Variants in DNM2 observed in about 807,000 individuals in gnomAD.
The protein encoded by DNM2 is dynamin 2.
In DNM2, 15 loss-of-function variants were observed where a neutral mutation model predicts 99.0. That is an observed-to-expected ratio of 0.15 (90% CI 0.10 to 0.23). The LOEUF (loss-of-function observed/expected upper bound fraction) is 0.23, where lower values mean the gene tolerates loss of function less well. Among genes scored for constraint, DNM2 ranks in the 10% least tolerant of loss-of-function variants. DNM2 has a pLI of 1.00. For synonymous variants in DNM2, 525 were observed against 481.2 expected (o/e 1.09, Z -1.19); for missense variants, 742 against 1,189.4 (o/e 0.62, Z 5.53).
At chr19:10,746,723 T>G (rs1284997711) in intron 1 of DNM2, among the ~76,000 whole-genome samples, 4 of 83,934 alleles carry the variant, frequency 4.8e-5, no homozygotes, top group African/African-American at 1.3e-4. Context: ...CCGGCTTTTT[T>G]TTTGTTTTTT....
intron 1 of DNM2, among the ~76,000 whole-genome samples, chr19:10,750,420 A>C (rs533000254): frequency 3.5e-4 from 53 of 152,134 alleles, no homozygotes; most frequent in African/African-American, 1.3e-3. Context: ...TCAAGGCTGC[A>C]GTGAGGTATG....
rs1355493800 is a variant in DNM2, at chr19:10,830,268, C to A, written c.2433C>A (p.Ser811=). The A allele has an allele frequency of 6.2e-7, 1 of 1,613,844 alleles. No homozygotes were observed. The highest frequency in any genetic ancestry group is 8.5e-7 in the Non-Finnish European group (1 of 1,179,940). The stretch of plus-strand genomic sequence containing the variant: ...CCTTCTCGGCGCCCCCAATCCCATC[C>A]CGGCCTGGACCCCAGAGCGTGTTTG... ...AASFSAPPIP[S]RPGPQSVFAN... The change falls in exon 20 of 21, where the codon TCC becomes TCA. Residue 811 remains serine, a synonymous_variant. Transcript: ENST00000389253. This position sits in a 1 kb window ranked among gnomAD's most constrained non-coding sequence, Gnocchi z 4.8.
chr19:10,794,919 GTTTATT>G (rs540862841), intron 8 of DNM2, among the ~76,000 whole-genome samples: 212 of 152,162 alleles, frequency 1.4e-3, no homozygotes, highest in African/African-American at 4.7e-3. Flanking sequence ...TAATTTGTTT[GTTTATT>G]TTTATTTTTT....
At chr19:10,760,909 C>T (rs1021959840) in intron 2 of DNM2, among the ~76,000 whole-genome samples, 8 of 148,956 alleles carry the variant, frequency 5.4e-5, no homozygotes, top group East Asian at 2.0e-4. Context: ...AATCCTCCTG[C>T]GTCAGCTTCC....
chr19:10,736,273 AAAAAAAG>A (rs1452493756), intron 1 of DNM2, among the ~76,000 whole-genome samples: 3 of 151,516 alleles, frequency 2.0e-5, no homozygotes, highest in African/African-American at 7.3e-5. Flanking sequence ...TCAAAAAAAA[AAAAAAAG>A]AAAAAAAGAA....
chr19:10,761,130 A>G (rs935233665), intron 2 of DNM2, among the ~76,000 whole-genome samples: 8 of 152,004 alleles, frequency 5.3e-5, no homozygotes, highest in East Asian at 1.9e-4. Flanking sequence ...CTGGGACTAC[A>G]GGTGTGTGTC....
chr19:10,801,059 A>G lies in DNM2; in HGVS notation c.1423-1229A>G, dbSNP rs112160634. On this transcript the variant is annotated intron_variant, in intron 11 of 20. Transcript: ENST00000389253. ...GGTGGCTCACGCCTGTAGTCCTAGC[A>G]CTTTGGGAGGCCAAGGCAGGTGGAT... is the stretch of plus-strand genomic sequence containing the variant. Among the ~76,000 whole-genome samples, 1,004 of 152,376 alleles carry G rather than the reference A, an allele frequency of 6.6e-3. 4 individuals are homozygous for G. The highest frequency in any genetic ancestry group is 0.01 in the Non-Finnish European group (709 of 68,034).
intron 6 of DNM2, 125 bp from the exon 7 acceptor site, chr19:10,786,439 G>T (rs1031683126): frequency 7.0e-7 from 1 of 1,426,660 alleles, no homozygotes; most frequent in Non-Finnish European, 9.8e-7. Context: ...GTCTCTCAAG[G>T]CTGTGTGGTG....
chr19:10,738,707 C>CA (rs952784600), intron 1 of DNM2, among the ~76,000 whole-genome samples: 16 of 151,100 alleles, frequency 1.1e-4, no homozygotes, highest in Admixed American at 7.3e-4. Flanking sequence ...ATGAAAAATA[C>CA]AAAAAAAAGT....
intron 1 of DNM2, among the ~76,000 whole-genome samples, chr19:10,735,515 T>G (rs1315235716): frequency 6.6e-6 from 1 of 152,080 alleles, no homozygotes. Flanking sequence ...CATGGAAAAT[T>G]TTATTTTTAT....
chr19:10,786,491 G>T (rs1484760081), intron 6 of DNM2, 73 bp from the exon 7 acceptor site: 27 of 1,605,572 alleles, frequency 1.7e-5, no homozygotes, highest in South Asian at 1.2e-4. Context: ...CCCTTGGTTG[G>T]GGGGAGTGTG....
rs915073925 is a variant in DNM2 at position 10,831,198 on chromosome 19, C to T, written c.*151C>T. 4.3e-6 allele frequency: 6 copies of T among 1,396,740 alleles called. No homozygotes were observed. The highest frequency in any genetic ancestry group is 3.2e-5 in the South Asian group (2 of 61,648). The allele number at this position is 1,396,740 out of a possible 1,614,324, so 86.5% of individuals were successfully genotyped here. A position where few individuals can be genotyped will look rare whatever the true frequency, so the allele number is the denominator to read the frequency against. ...CTTAACGCTGGCCCCGGTCCAGGGCCGGCCCCTGTGCCTGGCTGGACACCG... is the reference window on the plus strand; with the variant it reads ...CTTAACGCTGGCCCCGGTCCAGGGCTGGCCCCTGTGCCTGGCTGGACACCG... On this transcript the variant is annotated 3_prime_UTR_variant, in exon 21 of 21. Coordinates refer to ENST00000389253, the MANE Select transcript of DNM2 (RefSeq NM_001005361.3). The surrounding 1 kb of genome is among the most constrained non-coding windows in gnomAD (Gnocchi z 4.3).
chr19:10,729,499 G>A (rs2069236027), intron 1 of DNM2, among the ~76,000 whole-genome samples: 1 of 152,170 alleles, frequency 6.6e-6, no homozygotes, highest in Non-Finnish European at 1.5e-5. Context: ...GCCCCGCCAG[G>A]ACTTGGGGGA....
chr19:10,741,489 A>C (rs2069745331), intron 1 of DNM2, among the ~76,000 whole-genome samples: 1 of 151,856 alleles, frequency 6.6e-6, no homozygotes, highest in Admixed American at 6.6e-5. Flanking sequence ...TTGGCCTCCC[A>C]AAGTGCTGAG....
chr19:10,819,240 C>T (rs559419408), intron 15 of DNM2, among the ~76,000 whole-genome samples: 57 of 152,214 alleles, frequency 3.7e-4, no homozygotes, highest in African/African-American at 1.4e-3. Flanking sequence ...AGCGAGACCC[C>T]ATCTCTATTA....
intron 1 of DNM2, among the ~76,000 whole-genome samples, chr19:10,720,353 C>T (rs2068899507): frequency 6.6e-6 from 1 of 151,758 alleles, no homozygotes; most frequent in Non-Finnish European, 1.5e-5. Flanking sequence ...GCTGGGATTA[C>T]AGGCGTCTAC....
intron 1 of DNM2, among the ~76,000 whole-genome samples, chr19:10,731,025 G>GTGA (rs1467749172): frequency 6.6e-6 from 1 of 152,204 alleles, no homozygotes; most frequent in African/African-American, 2.4e-5. Flanking sequence ...AGCCTGCCCT[G>GTGA]TGACACACTT....
intron 17 of DNM2, chr19:10,824,214 C>T: frequency 5.1e-6 from 2 of 391,888 alleles, no homozygotes; most frequent in South Asian, 4.5e-5. Context: ...ATTAAAATGC[C>T]TTGCCGGGCA....
intron 6 of DNM2, among the ~76,000 whole-genome samples, chr19:10,784,819 ATTTTTT>A (rs35575438): frequency 0.016 from 1,550 of 99,442 alleles, 35 homozygotes; most frequent in African/African-American, 0.058. Flanking sequence ...TTTTTTGATG[ATTTTTT>A]TTTTTTTTTT....
Sources: allele counts gnomAD v4.1 joint callset (sites outside exome capture counted in the v4.1 genomes callset), GRCh38; gene constraint gnomAD v4.1.1; non-coding constraint Gnocchi (gnomAD v3.1); transcripts MANE v1.5; gene names NCBI Gene and HGNC (gene_info 2026-07-23, HGNC 2026-07-21).